Variants in CRIM1 observed in about 807,000 individuals in gnomAD.
The protein encoded by CRIM1 is cysteine-rich motor neuron 1 protein.
In CRIM1, 32 loss-of-function variants were observed where a neutral mutation model predicts 116.4. The observed-to-expected ratio is 0.27, with a 90% CI of 0.21 to 0.37. CRIM1 has a LOEUF of 0.37. Ranked by LOEUF, CRIM1 falls within the 10% of genes least tolerant of loss-of-function variation. The pLI is 1.00. For synonymous variants in CRIM1, 590 were observed against 509.2 expected, an observed-to-expected ratio of 1.16 and a Z score of -2.13; for missense variants, 1,331 against 1,354.8, an observed-to-expected ratio of 0.98 and a Z score of 0.28.
intron 2 of CRIM1, among the ~76,000 whole-genome samples, chr2:36,424,258 G>A (rs546423398): frequency 1.3e-5 from 2 of 152,232 alleles, no homozygotes; most frequent in South Asian, 2.1e-4. Context: ...AATCCAACTT[G>A]TAGGGGAGGC....
At chr2:36,357,774 G>C (rs1244997933) in intron 1 of CRIM1, among the ~76,000 whole-genome samples, 1 of 152,144 alleles carries the variant, frequency 6.6e-6, no homozygotes, top group Non-Finnish European at 1.5e-5. Flanking sequence ...AGGGACAGGC[G>C]CCCTCTGCCC....
intron 2 of CRIM1, among the ~76,000 whole-genome samples, chr2:36,400,739 A>G (rs1672345651): frequency 6.6e-6 from 1 of 152,182 alleles, no homozygotes; most frequent in African/African-American, 2.4e-5. Context: ...GAATGAGGGC[A>G]GAAAGAATTT....
At chr2:36,368,647 T>C (rs1326848923) in intron 1 of CRIM1, among the ~76,000 whole-genome samples, 1 of 152,214 alleles carries the variant, frequency 6.6e-6, no homozygotes, top group Non-Finnish European at 1.5e-5. Flanking sequence ...CATTTATTCA[T>C]TAATAAGTCT....
chr2:36,537,298 GATCGTGTGCGTTGTCACATCAGCGACTCC>G (rs1666616596), intron 13 of CRIM1, 25 bp from the exon 14 acceptor site: 2 of 1,497,232 alleles, frequency 1.3e-6, no homozygotes, highest in South Asian at 2.3e-5. Context: ...CGTCTAATAA[GATCGTGTGCGTTGTCACATCAGCGACTCC>G]ATCATGTGCT....
At chr2:36,534,571 G>A (rs1361646830) in intron 13 of CRIM1, among the ~76,000 whole-genome samples, 8 of 140,794 alleles carry the variant, frequency 5.7e-5, no homozygotes, top group Non-Finnish European at 1.6e-5. Flanking sequence ...GGAAGGAAGG[G>A]AGGAAGGAAG....
At chr2:36,449,605 G>A (rs1044785497) in intron 4 of CRIM1, among the ~76,000 whole-genome samples, 12 of 152,140 alleles carry the variant, frequency 7.9e-5, no homozygotes, top group East Asian at 1.9e-4. Flanking sequence ...TTTTCCAGTC[G>A]AAGAAAGGAG....
At chr2:36,437,475 TA>T in intron 2 of CRIM1, among the ~76,000 whole-genome samples, 1 of 152,246 alleles carries the variant, frequency 6.6e-6, no homozygotes, top group Middle Eastern at 3.4e-3. Context: ...TTTATAAATT[TA>T]AAAATCTTAA....
chr2:36,481,391 A>G (rs1679407285), intron 7 of CRIM1, among the ~76,000 whole-genome samples: 1 of 152,226 alleles, frequency 6.6e-6, no homozygotes, highest in Non-Finnish European at 1.5e-5. Context: ...CAACATCTGC[A>G]TAGAGTTGTA....
At chr2:36,525,725 G>T (rs1665712278) in intron 13 of CRIM1, among the ~76,000 whole-genome samples, 1 of 152,054 alleles carries the variant, frequency 6.6e-6, no homozygotes, top group Non-Finnish European at 1.5e-5. Flanking sequence ...TGGCTGTAGG[G>T]CTCTTCCATG....
intron 2 of CRIM1, among the ~76,000 whole-genome samples, chr2:36,417,603 C>G (rs1019584337): frequency 1.3e-5 from 2 of 152,136 alleles, no homozygotes; most frequent in Non-Finnish European, 2.9e-5. Flanking sequence ...AAAGACCTAT[C>G]TCCACTGCAT....
At chr2:36,517,666 T>C in intron 12 of CRIM1, 124 bp downstream of exon 12, 6 of 879,434 alleles carry the variant, frequency 6.8e-6, no homozygotes, top group Non-Finnish European at 1.0e-5. Flanking sequence ...CAGTATCCCA[T>C]CAGGAACAGC....
intron 1 of CRIM1, among the ~76,000 whole-genome samples, chr2:36,360,479 C>G (rs1669147725): frequency 6.6e-6 from 1 of 152,178 alleles, no homozygotes; most frequent in South Asian, 2.1e-4. Flanking sequence ...CCTTTTATTT[C>G]CCCCAGGAAT....
At chr2:36,402,808 G>A (rs1052269979) in intron 2 of CRIM1, among the ~76,000 whole-genome samples, 1 of 151,624 alleles carries the variant, frequency 6.6e-6, no homozygotes, top group East Asian at 1.9e-4. Context: ...AGTACTCTTC[G>A]ATGTGGAGTT....
chr2:36,537,672 T>G, intron 14 of CRIM1, 126 bp downstream of exon 14: 1 of 1,049,692 alleles, frequency 9.5e-7, no homozygotes, highest in South Asian at 1.7e-5. Flanking sequence ...CAGGCCCAGT[T>G]AGCGCCTCCA....
intron 8 of CRIM1, among the ~76,000 whole-genome samples, chr2:36,504,175 T>C (rs1681222753): frequency 6.6e-6 from 1 of 152,124 alleles, no homozygotes; most frequent in Non-Finnish European, 1.5e-5. Flanking sequence ...TACCTGGCCC[T>C]TCAAGATTTC....
chr2:36,477,000 C>T lies in CRIM1; in HGVS notation c.1103C>T (p.Thr368Ile), dbSNP rs780101636. ...CAAGGGGGCGTTGCCATCTGCTTCA[C>T]CGCCCAGTGTGGTGAGATAAACTGC... Reference protein sequence around the residue: ...RCQGGVAICFTAQCGEINCER... With the variant: ...RCQGGVAICFIAQCGEINCER... Residue 368 changes from threonine to isoleucine, a missense_variant, in exon 6 of 17, where the codon ACC (threonine) becomes ATC (isoleucine). Transcript: ENST00000280527. 6.2e-7 allele frequency: 1 copy of T among 1,613,712 alleles called. No individual in the cohort carries two copies. The highest frequency in any genetic ancestry group is 1.3e-5 in the African/African-American group (1 of 75,064).
intron 1 of CRIM1, among the ~76,000 whole-genome samples, chr2:36,396,190 A>G (rs554859141): frequency 1.1e-3 from 172 of 152,310 alleles, no homozygotes; most frequent in African/African-American, 3.9e-3. Context: ...GATTACAGGC[A>G]TGAGCCACTG....
At chr2:36,455,335 G>A (rs934762645) in intron 4 of CRIM1, among the ~76,000 whole-genome samples, 1 of 152,196 alleles carries the variant, frequency 6.6e-6, no homozygotes, top group African/African-American at 2.4e-5. Context: ...GTGTGCTTCT[G>A]TGTTCCAGGC....
intron 4 of CRIM1, among the ~76,000 whole-genome samples, chr2:36,463,916 C>T (rs1300597088): frequency 6.6e-6 from 1 of 152,182 alleles, no homozygotes; most frequent in Admixed American, 6.5e-5. Flanking sequence ...AGCTTAGGCC[C>T]TCTCTTTATA....
Sources: allele counts gnomAD v4.1 joint callset (sites outside exome capture counted in the v4.1 genomes callset), GRCh38; gene constraint gnomAD v4.1.1; transcripts MANE v1.5; gene names NCBI Gene and HGNC (gene_info 2026-07-23, HGNC 2026-07-21).